UNC5C: variants seen among roughly 807,000 people sequenced by gnomAD.
The protein encoded by UNC5C is netrin receptor UNC5C.
In UNC5C, 47 loss-of-function variants were observed where a neutral mutation model predicts 99.8. The ratio of observed to expected loss-of-function variants is 0.47; its 90% CI spans 0.37 to 0.60. The LOEUF (loss-of-function observed/expected upper bound fraction) is 0.60, where lower values mean the gene tolerates loss of function less well. UNC5C is among the 20% of genes least tolerant of loss of function. The pLI is 0.00. For missense variants in UNC5C, 1,062 were observed against 1,165.9 expected (o/e 0.91, Z 1.30); for synonymous variants, 487 against 452.2 (o/e 1.08, Z -0.98).
intron 4 of UNC5C, among the ~76,000 whole-genome samples, chr4:95,271,353 G>A (rs895558235): frequency 2.0e-5 from 3 of 151,856 alleles, no homozygotes; most frequent in African/African-American, 4.8e-5. Context: ...TCAGCCTCCC[G>A]CGTAGCTGGG....
At position 95,450,698 on chromosome 4, in the gene UNC5C, G is replaced by A. The variant is rs570749059; in HGVS notation, c.124+98036C>T. On this transcript the variant is annotated intron_variant, in intron 1 of 15. Coordinates refer to ENST00000453304, the MANE Select transcript of UNC5C (RefSeq NM_003728.4). ...TCCACAAACTGCAGTGCATGGCATG[G>A]AGTAAACTAAAAAAGTCATCCATTT... 5.3e-5 allele frequency among the ~76,000 whole-genome samples: 8 copies of A among 152,284 alleles called. No homozygotes were observed. In the South Asian group the frequency reaches 1.7e-3, roughly 32 times the overall value.
intron 12 of UNC5C, among the ~76,000 whole-genome samples, chr4:95,202,443 A>G (rs115506234): frequency 0.015 from 2,223 of 152,360 alleles, 29 homozygotes; most frequent in Non-Finnish European, 0.021. Flanking sequence ...ATGGAAGCAG[A>G]TTATTTACCA....
chr4:95,299,722 T>C (rs1741802791), intron 3 of UNC5C, among the ~76,000 whole-genome samples: 2 of 152,290 alleles, frequency 1.3e-5, no homozygotes, highest in East Asian at 1.9e-4. Context: ...CTCCCCTTTA[T>C]AAAAGCATCA....
intron 1 of UNC5C, among the ~76,000 whole-genome samples, chr4:95,390,956 C>T (rs185388933): frequency 9.5e-4 from 144 of 152,318 alleles, no homozygotes; most frequent in South Asian, 6.0e-3. Flanking sequence ...ATAATCCCCA[C>T]ATGTTGTGGG....
intron 3 of UNC5C, among the ~76,000 whole-genome samples, chr4:95,292,234 CACATATATATATAT>C (rs1440140986): frequency 2.6e-4 from 19 of 74,050 alleles, no homozygotes; most frequent in African/African-American, 1.0e-3. Flanking sequence ...CACACACACA[CACATATATATATAT>C]ATATATATAT....
intron 1 of UNC5C, among the ~76,000 whole-genome samples, chr4:95,394,864 G>A (rs185759922): frequency 3.0e-4 from 45 of 152,074 alleles, no homozygotes; most frequent in African/African-American, 1.1e-3. Flanking sequence ...CTCTATCTCT[G>A]ACACCAAAAA....
rs17023379 is a variant in UNC5C at position 95,264,316 on chromosome 4, A to G, written c.595-13649T>C. 4.5e-3 allele frequency among the ~76,000 whole-genome samples: 684 copies of G among 152,298 alleles called. 27 individuals are homozygous for G. The highest frequency in any genetic ancestry group is 0.038 in the Admixed American group (578 of 15,306). ...CATGCCACTCTGAAGACCATGCCCA[A>G]TTGAAATCTTGCACTCAGAAATTCA... On this transcript the variant is annotated intron_variant, in intron 4 of 15. Transcript: ENST00000453304.
At chr4:95,305,670 T>G (rs1257252090) in intron 2 of UNC5C, among the ~76,000 whole-genome samples, 1 of 152,222 alleles carries the variant, frequency 6.6e-6, no homozygotes, top group Non-Finnish European at 1.5e-5. Context: ...ATCTCAAGGA[T>G]GCATGCTGTT....
At chr4:95,265,521 C>G (rs908062662) in intron 4 of UNC5C, among the ~76,000 whole-genome samples, 9 of 152,060 alleles carry the variant, frequency 5.9e-5, no homozygotes, top group African/African-American at 1.9e-4. Flanking sequence ...TAATAACACA[C>G]AACACAATGA....
chr4:95,190,270 C>T (rs1025821792), intron 12 of UNC5C, among the ~76,000 whole-genome samples: 11 of 143,664 alleles, frequency 7.7e-5, no homozygotes, highest in Non-Finnish European at 1.5e-5. Context: ...TGTTCTCACT[C>T]ATAGGTGGGA....
intron 3 of UNC5C, among the ~76,000 whole-genome samples, chr4:95,290,162 A>C (rs1383424279): frequency 6.6e-6 from 1 of 151,918 alleles, no homozygotes; most frequent in Non-Finnish European, 1.5e-5. Flanking sequence ...AAAAACTAGC[A>C]GAGTATGGTA....
chr4:95,396,009 T>C (rs1402719014), intron 1 of UNC5C, among the ~76,000 whole-genome samples: 1 of 152,208 alleles, frequency 6.6e-6, no homozygotes, highest in Non-Finnish European at 1.5e-5. Flanking sequence ...TCTATGTTTC[T>C]ATGTATCAGC....
intron 5 of UNC5C, among the ~76,000 whole-genome samples, chr4:95,247,150 A>C (rs1475683884): frequency 2.0e-5 from 3 of 152,130 alleles, no homozygotes; most frequent in African/African-American, 7.2e-5. Flanking sequence ...TTCTTCTTTG[A>C]CCTTTTCTGT....
At chr4:95,267,999 G>C (rs977712355) in intron 4 of UNC5C, among the ~76,000 whole-genome samples, 5 of 129,214 alleles carry the variant, frequency 3.9e-5, no homozygotes, top group Admixed American at 8.8e-5. Context: ...ACCCAGGCTG[G>C]AGTGCAGTGG....
chr4:95,361,668 T>TC (rs1310235720), intron 1 of UNC5C, among the ~76,000 whole-genome samples: 1 of 152,142 alleles, frequency 6.6e-6, no homozygotes, highest in Non-Finnish European at 1.5e-5. Flanking sequence ...AACAAACATT[T>TC]CAGTAGTCAA....
rs6148582 is a variant in UNC5C at position 95,545,772 on chromosome 4, G to GCGCGCA, written c.124+2961_124+2962insTGCGCG. Among the ~76,000 whole-genome samples, 129 of 148,402 alleles carry GCGCGCA rather than the reference G, an allele frequency of 8.7e-4. 1 individual carries two copies. The highest frequency in any genetic ancestry group is 2.8e-3 in the African/African-American group (115 of 40,748). On this transcript the variant is annotated intron_variant, in intron 1 of 15. Coordinates refer to ENST00000453304, the MANE Select transcript of UNC5C (RefSeq NM_003728.4). Reference sequence around the variant, plus strand: ...TGATCTCACACACACGCGCGCGCGCGCACACACACACACACACACACACTG... The same window carrying GCGCGCA: ...TGATCTCACACACACGCGCGCGCGCGCGCGCACACACACACACACACACACACACTG...
At position 95,401,404 on chromosome 4, in the gene UNC5C, T is replaced by C. The variant is rs142744222; in HGVS notation, c.125-65773A>G. Among the ~76,000 whole-genome samples the C allele has an allele frequency of 2.4e-3, 359 of 152,248 alleles. 7 individuals carry two copies. The highest frequency in any genetic ancestry group is 0.018 in the Admixed American group (281 of 15,302). ...GCAGCCTTGAACTCGTAGGCTCAAG[T>C]GATTCTCCCAATTTAGCCTCCTGAG... is the stretch of plus-strand genomic sequence containing the variant. On this transcript the variant is annotated intron_variant, in intron 1 of 15. Transcript: ENST00000453304.
At chr4:95,450,036 T>C (rs1164743771) in intron 1 of UNC5C, among the ~76,000 whole-genome samples, 1 of 152,238 alleles carries the variant, frequency 6.6e-6, no homozygotes, top group Non-Finnish European at 1.5e-5. Context: ...TATGTCAATT[T>C]AATTTTAGTC....
chr4:95,243,857 A>T (rs919682799), intron 6 of UNC5C, among the ~76,000 whole-genome samples: 1 of 152,116 alleles, frequency 6.6e-6, no homozygotes, highest in Non-Finnish European at 1.5e-5. Flanking sequence ...ACACATTTCT[A>T]TTTCAACTCT....
Sources: gnomAD v4.1 joint callset for allele counts (sites outside exome capture counted in the v4.1 genomes callset) on GRCh38, gnomAD v4.1.1 for gene constraint, MANE v1.5 for transcripts, NCBI Gene and HGNC (gene_info 2026-07-23, HGNC 2026-07-21) for gene names.